Variants in POM121C observed in about 807,000 individuals in gnomAD.
The protein encoded by POM121C is POM121 transmembrane nucleoporin C.
POM121C carries 20 observed loss-of-function variants against 66.4 expected under a neutral mutation model. The ratio of observed to expected loss-of-function variants is 0.30; its 90% CI spans 0.21 to 0.44. The LOEUF (loss-of-function observed/expected upper bound fraction) is 0.44, where lower values mean the gene tolerates loss of function less well. POM121C is among the 20% of genes least tolerant of loss of function. The pLI is 1.00. For synonymous variants in POM121C, 286 were observed against 528.0 expected, an observed-to-expected ratio of 0.54 and a Z score of 6.28; for missense variants, 580 against 1,225.7, an observed-to-expected ratio of 0.47 and a Z score of 7.87.
intron 3 of POM121C, among the ~76,000 whole-genome samples, chr7:75,448,664 G>C (rs1366591612): frequency 7.2e-6 from 1 of 138,946 alleles, no homozygotes; most frequent in Non-Finnish European, 1.5e-5. Context: ...AGCCAAGTGT[G>C]GTGGCACATG....
intron 3 of POM121C, among the ~76,000 whole-genome samples, chr7:75,448,002 C>A (rs1186313273): frequency 6.8e-6 from 1 of 147,236 alleles, no homozygotes; most frequent in Non-Finnish European, 1.5e-5. Flanking sequence ...CCAGCCTGGG[C>A]GACAGAGCTA....
intron 1 of POM121C, among the ~76,000 whole-genome samples, chr7:75,478,224 T>C (rs1554479658): frequency 1.3e-5 from 2 of 152,182 alleles, no homozygotes; most frequent in African/African-American, 4.8e-5. Flanking sequence ...CTTAGCCTTG[T>C]TGTTGTTGCT....
At chr7:75,425,525 C>G in intron 9 of POM121C, 110 bp downstream of exon 9, 3 of 962,048 alleles carry the variant, frequency 3.1e-6, no homozygotes, top group Non-Finnish European at 4.6e-6. Context: ...TCTAACATGC[C>G]TTAGACATAG....
chr7:75,439,693 A>G (rs1343442924), intron 5 of POM121C, among the ~76,000 whole-genome samples: 2 of 151,992 alleles, frequency 1.3e-5, no homozygotes, highest in Non-Finnish European at 2.9e-5. Context: ...GCCTTATAAA[A>G]TGGTGTTTCC....
chr7:75,428,806 C>T (rs1230859934), intron 7 of POM121C, among the ~76,000 whole-genome samples: 9 of 152,086 alleles, frequency 5.9e-5, no homozygotes, highest in African/African-American at 2.2e-4. Context: ...ATGGTGAAAC[C>T]TCATCTCTAC....
In POM121C at chr7:75,419,370, A is replaced by G; in HGVS notation, c.2816T>C (p.Phe939Ser). 3 of 1,613,844 alleles carry G rather than the reference A, an allele frequency of 1.9e-6. No homozygotes were observed. Among genetic ancestry groups the G allele is most frequent in the Non-Finnish European group, 2.5e-6 (3 of 1,179,798 alleles). ...TTGGGCGGGTGCTGAAGATGCCCCA[A>G]AGGAGAGGCTGCTGCCCGATGTGCC... ...GVGTSGSSLS[F>S]GASSAPAQGF... is the part of the protein sequence containing the mutation. The change falls in exon 14 of 15, where the codon TTT becomes TCT. Residue 939 changes from phenylalanine (F) to serine (S), a missense_variant. By Grantham distance (155) the Phe-to-Ser change is radical. Coordinates refer to ENST00000615331, the MANE Select transcript of POM121C (RefSeq NM_001099415.3).
chr7:75,417,071 G>GGC lies in POM121C; in HGVS notation c.*1723_*1724dup, dbSNP rs1342840248. 1.8e-6 allele frequency: 2 copies of GGC among 1,087,656 alleles called. No individual in the cohort carries two copies. Among genetic ancestry groups the GGC allele is most frequent in the African/African-American group, 3.2e-5 (2 of 61,924 alleles). 67.4% of individuals were successfully genotyped at this position (1,087,656 alleles called of 1,614,324 possible). A position where few individuals can be genotyped will look rare whatever the true frequency, so the allele number is the denominator to read the frequency against. ...GGTACAGGTAGAAGCTTGATTGCTA[G>GGC]GCCCAGGCCCACCCAGACCCTCCAA... On this transcript the variant is annotated 3_prime_UTR_variant, in exon 15 of 15. Coordinates refer to ENST00000615331, the MANE Select transcript of POM121C (RefSeq NM_001099415.3).
intron 3 of POM121C, among the ~76,000 whole-genome samples, chr7:75,472,826 G>A (rs1283306955): frequency 1.4e-5 from 2 of 147,776 alleles, no homozygotes. Flanking sequence ...GGAAGGAAGG[G>A]AGGGAGGGAG....
intron 6 of POM121C, among the ~76,000 whole-genome samples, chr7:75,437,974 G>A (rs1790479015): frequency 6.6e-6 from 1 of 152,176 alleles, no homozygotes; most frequent in Admixed American, 6.5e-5. Flanking sequence ...TAAAGAGAGG[G>A]ATTACAGGCA....
At chr7:75,444,280 A>AG (rs1313516452) in intron 3 of POM121C, among the ~76,000 whole-genome samples, 2 of 96,580 alleles carry the variant, frequency 2.1e-5, no homozygotes, top group African/African-American at 3.4e-5. Context: ...CGGAGGGGGG[A>AG]CTGTGTTGCT....
chr7:75,448,502 GAAAA>G (rs61223131), intron 3 of POM121C, among the ~76,000 whole-genome samples: 1 of 79,064 alleles, frequency 1.3e-5, no homozygotes, highest in Admixed American at 1.4e-4. Context: ...AACAGAAACA[GAAAA>G]AAAAAAAAAA....
rs587703331 is a variant in POM121C at position 75,432,605 on chromosome 7, G to A, written c.480+4910C>T. On this transcript the variant is annotated intron_variant, in intron 7 of 14. Coordinates refer to ENST00000615331, the MANE Select transcript of POM121C (RefSeq NM_001099415.3). Reference sequence around the variant, plus strand: ...GAAAATGTTTTATTACTTGACCTGAGTGGTGGTTACAATTTGTTTTTCTGT... The same window carrying A: ...GAAAATGTTTTATTACTTGACCTGAATGGTGGTTACAATTTGTTTTTCTGT... 3.3e-5 allele frequency among the ~76,000 whole-genome samples: 5 copies of A among 152,306 alleles called. No homozygotes were observed. The South Asian group carries it at 1.0e-3, about 32-fold the overall frequency.
rs782683976 is a variant in POM121C, at chr7:75,441,435, G to A, written c.62C>T (p.Ala21Val). Reference protein sequence around the residue: ...APPDRRFSRSAIPEQIISSTL... With the variant: ...APPDRRFSRSVIPEQIISSTL... ...TTCTTCCAACGATAATACTCACATC[G>A]CAGAACGTGAAAATCTTCTGTCAGG... Residue 21 changes from alanine (A) to valine (V), a missense_variant, in exon 4 of 15, where the codon GCG (alanine) becomes GTG (valine). By Grantham distance (64) the Ala-to-Val change is moderately conservative. Coordinates refer to ENST00000615331, the MANE Select transcript of POM121C (RefSeq NM_001099415.3). 13 of 1,613,862 alleles carry A rather than the reference G, an allele frequency of 8.1e-6. No individual in the cohort carries two copies. In the Admixed American group the frequency reaches 1.5e-4, roughly 19 times the overall value.
In POM121C at chr7:75,441,600, C is replaced by T. The variant is rs587706680; in HGVS notation, c.-104G>A. The T allele has an allele frequency of 1.3e-6, 2 of 1,590,080 alleles. No homozygotes were observed. The highest frequency in any genetic ancestry group is 2.3e-5 in the East Asian group (1 of 43,602). On this transcript the variant is annotated 5_prime_UTR_variant, in exon 4 of 15. Coordinates refer to ENST00000615331, the MANE Select transcript of POM121C (RefSeq NM_001099415.3). ...ATACTGGGTCTGATGGATCGGATAGCGTCTTCGAGGTGTTATTACAAACCG... is the reference window on the plus strand; with the variant it reads ...ATACTGGGTCTGATGGATCGGATAGTGTCTTCGAGGTGTTATTACAAACCG...
At chr7:75,479,472 C>T (rs1214385127) in intron 1 of POM121C, among the ~76,000 whole-genome samples, 11 of 145,986 alleles carry the variant, frequency 7.5e-5, no homozygotes, top group African/African-American at 1.6e-4. Context: ...AAAAATTAGC[C>T]GGGCGTGATG....
intron 3 of POM121C, among the ~76,000 whole-genome samples, chr7:75,454,788 C>T (rs587666782): frequency 1.4e-4 from 21 of 152,364 alleles, no homozygotes; most frequent in East Asian, 3.9e-4. Flanking sequence ...AGATGGCACA[C>T]GGCATGTCCC....
Position 75,421,495 on chromosome 7 carries a change from A to G in POM121C, c.2743+14T>C, listed in dbSNP as rs782433889. On this transcript the variant is annotated intron_variant, in intron 13 of 14. Coordinates refer to ENST00000615331, the MANE Select transcript of POM121C (RefSeq NM_001099415.3). Reference sequence around the variant, plus strand: ...GTGTCCGGCCCGGTAGCCCAAGTCCACGCCCCTCCTTACCTCCAAACACAG... The same window carrying G: ...GTGTCCGGCCCGGTAGCCCAAGTCCGCGCCCCTCCTTACCTCCAAACACAG... 7 of 1,611,012 alleles carry G rather than the reference A, an allele frequency of 4.3e-6. No individual in the cohort carries two copies. The highest frequency in any genetic ancestry group is 5.9e-6 in the Non-Finnish European group (7 of 1,179,638).
chr7:75,434,651 C>G (rs186539901), intron 7 of POM121C, among the ~76,000 whole-genome samples: 30 of 146,872 alleles, frequency 2.0e-4, no homozygotes, highest in Admixed American at 4.2e-4. Context: ...GGCGCTATCT[C>G]TGCTCACTGC....
intron 3 of POM121C, among the ~76,000 whole-genome samples, chr7:75,461,860 C>A (rs1352745550): frequency 6.6e-6 from 1 of 151,428 alleles, no homozygotes; most frequent in Non-Finnish European, 1.5e-5. Flanking sequence ...ATTCATGGGT[C>A]AAAGAGTGAG....
Sources: allele counts gnomAD v4.1 joint callset (sites outside exome capture counted in the v4.1 genomes callset), GRCh38; gene constraint gnomAD v4.1.1; transcripts MANE v1.5; gene names NCBI Gene and HGNC (gene_info 2026-07-23, HGNC 2026-07-21).